EDARADD: variants seen among roughly 807,000 people sequenced by gnomAD.
The protein encoded by EDARADD is ectodysplasin-A receptor-associated adapter protein.
In EDARADD, 20 loss-of-function variants were observed where a neutral mutation model predicts 25.6. The ratio of observed to expected loss-of-function variants is 0.78; its 90% CI spans 0.55 to 1.14. The LOEUF (loss-of-function observed/expected upper bound fraction) is 1.14, where lower values mean the gene tolerates loss of function less well. Among genes scored for constraint, EDARADD ranks in the 50% most tolerant of loss-of-function variants. EDARADD has a pLI of 0.00. For synonymous variants in EDARADD, 86 were observed against 94.4 expected, an observed-to-expected ratio of 0.91 and a Z score of 0.52; for missense variants, 225 against 270.1, an observed-to-expected ratio of 0.83 and a Z score of 1.17.
At chr1:236,353,894 T>G (rs976810830) in intron 3 of EDARADD, among the ~76,000 whole-genome samples, 2 of 152,064 alleles carry the variant, frequency 1.3e-5, no homozygotes, top group Non-Finnish European at 2.9e-5. Context: ...AAAAAAGTTT[T>G]TTTTTGCAAG....
At chr1:236,363,755 T>C (rs968028045) in intron 3 of EDARADD, among the ~76,000 whole-genome samples, 1 of 152,074 alleles carries the variant, frequency 6.6e-6, no homozygotes, top group Non-Finnish European at 1.5e-5. Flanking sequence ...AGCTCCCCTT[T>C]TGCCTTCTGC....
chr1:236,356,805 C>A lies in EDARADD; in HGVS notation c.-6+5966C>A, dbSNP rs188615010. Among the ~76,000 whole-genome samples, 146 of 152,036 alleles carry A rather than the reference C, an allele frequency of 9.6e-4. 1 individual carries two copies. In the East Asian group the frequency reaches 0.017, roughly 18 times the overall value. On this transcript the variant is annotated intron_variant, in intron 3 of 7. Coordinates refer to the EDARADD transcript ENST00000439430. ...GGCTTAAGAATGTTCTTGATGAGGC[C>A]AGGGGTGGTGGCTCACACCTGTAAT...
chr1:236,413,037 T>C (rs1273659368), intron 2 of EDARADD, among the ~76,000 whole-genome samples: 1 of 152,136 alleles, frequency 6.6e-6, no homozygotes, highest in African/African-American at 2.4e-5. Flanking sequence ...CTAATTTTTG[T>C]ATTTTTAGTA....
At chr1:236,436,381 C>CT (rs1658251384) in intron 4 of EDARADD, among the ~76,000 whole-genome samples, 4 of 152,146 alleles carry the variant, frequency 2.6e-5, no homozygotes, top group African/African-American at 9.6e-5. Context: ...AGACTGGTCT[C>CT]TAACTCCTGG....
chr1:236,468,841 A>G (rs1451681069), intron 5 of EDARADD, among the ~76,000 whole-genome samples: 4 of 152,142 alleles, frequency 2.6e-5, no homozygotes, highest in South Asian at 2.1e-4. Flanking sequence ...GTTTAGGATC[A>G]GGCCAGTCGG....
At chr1:236,460,556 C>T (rs767058491) in intron 4 of EDARADD, among the ~76,000 whole-genome samples, 8 of 151,990 alleles carry the variant, frequency 5.3e-5, no homozygotes, top group Non-Finnish European at 8.8e-5. Flanking sequence ...CATTTTTATA[C>T]GGACTTATAT....
intron 5 of EDARADD, among the ~76,000 whole-genome samples, chr1:236,471,763 C>T (rs1378016042): frequency 6.6e-6 from 1 of 152,130 alleles, no homozygotes; most frequent in Non-Finnish European, 1.5e-5. Context: ...GAGGGAAACA[C>T]TCCCGTGGCA....
At chr1:236,413,039 T>C (rs1227872241) in intron 2 of EDARADD, among the ~76,000 whole-genome samples, 5 of 152,102 alleles carry the variant, frequency 3.3e-5, no homozygotes, top group Non-Finnish European at 7.4e-5. Flanking sequence ...AATTTTTGTA[T>C]TTTTAGTAGA....
At chr1:236,447,802 C>T (rs571003086) in intron 4 of EDARADD, among the ~76,000 whole-genome samples, 4 of 151,938 alleles carry the variant, frequency 2.6e-5, no homozygotes, top group East Asian at 1.9e-4. Flanking sequence ...TTCTGGTCCT[C>T]GACTGCACAT....
chr1:236,382,755 C>A (rs566500871), intron 3 of EDARADD, among the ~76,000 whole-genome samples: 12 of 152,274 alleles, frequency 7.9e-5, no homozygotes, highest in Non-Finnish European at 1.2e-4. Context: ...ACCAAATGCT[C>A]ATGAATTATA....
At position 236,468,290 on chromosome 1, in the gene EDARADD, T is replaced by G. The variant is rs1255882946; in HGVS notation, c.265+14T>G. 1 of 1,613,394 alleles carries G rather than the reference T, an allele frequency of 6.2e-7. No homozygotes were observed. The highest frequency in any genetic ancestry group is 8.5e-7 in the Non-Finnish European group (1 of 1,179,322). On this transcript the variant is annotated intron_variant, in intron 5 of 5. Transcript: ENST00000334232. ...ATCCTCTTCCAGGTAAATGATTGATTCTAAAGCTATCTGGGCTAATAGCTA... is the reference window on the plus strand; with the variant it reads ...ATCCTCTTCCAGGTAAATGATTGATGCTAAAGCTATCTGGGCTAATAGCTA...
At chr1:236,435,521 TG>T (rs765581110) in intron 4 of EDARADD, among the ~76,000 whole-genome samples, 1 of 152,174 alleles carries the variant, frequency 6.6e-6, no homozygotes, top group African/African-American at 2.4e-5. Flanking sequence ...GAGGAAGGAA[TG>T]GTCACCACCC....
intron 3 of EDARADD, among the ~76,000 whole-genome samples, chr1:236,364,905 A>G (rs1378970854): frequency 6.6e-6 from 1 of 152,064 alleles, no homozygotes; most frequent in Non-Finnish European, 1.5e-5. Context: ...ACTGGCAAGA[A>G]CCTCTAGTGG....
intron 4 of EDARADD, among the ~76,000 whole-genome samples, chr1:236,454,156 C>T (rs941912454): frequency 6.6e-6 from 1 of 152,208 alleles, no homozygotes; most frequent in African/African-American, 2.4e-5. Context: ...AGCAATTCTC[C>T]TGCCTCAGCC....
intron 4 of EDARADD, among the ~76,000 whole-genome samples, chr1:236,437,531 C>T (rs1470075792): frequency 6.6e-6 from 1 of 151,998 alleles, no homozygotes; most frequent in African/African-American, 2.4e-5. Flanking sequence ...AGGGCTATTG[C>T]AGTCACCTAG....
At chr1:236,386,822 G>GA (rs1491574205) in intron 3 of EDARADD, among the ~76,000 whole-genome samples, 1 of 47,556 alleles carries the variant, frequency 2.1e-5, no homozygotes, top group African/African-American at 8.2e-5. Context: ...GGAGGGAGGT[G>GA]GGGGGGGTCA....
At position 236,427,362 on chromosome 1, in the gene EDARADD, T is replaced by A. The variant is rs942986205; in HGVS notation, c.161-30T>A. On this transcript the variant is annotated intron_variant, in intron 3 of 5. Coordinates refer to ENST00000334232, the MANE Select transcript of EDARADD (RefSeq NM_145861.4). ...GTGCTTTTTAAAATCACACTTTGTT[T>A]CTTTCTTTCTTTCTTTTTTTTTTTC... 2.5e-6 allele frequency: 4 copies of A among 1,599,314 alleles called. No homozygotes were observed. In the Admixed American group the frequency reaches 6.8e-5, roughly 27 times the overall value.
At chr1:236,462,593 A>C (rs1659067538) in intron 4 of EDARADD, among the ~76,000 whole-genome samples, 1 of 152,070 alleles carries the variant, frequency 6.6e-6, no homozygotes, top group Non-Finnish European at 1.5e-5. Context: ...TTGCAGCCTG[A>C]TATTAAATCT....
chr1:236,385,089 CTTTTTTT>C (rs34509027), intron 3 of EDARADD, among the ~76,000 whole-genome samples: 2 of 121,988 alleles, frequency 1.6e-5, no homozygotes, highest in African/African-American at 6.7e-5. Flanking sequence ...CCTTTTGATT[CTTTTTTT>C]TTTTTTTTTT....
Sources: gnomAD v4.1 joint callset for allele counts (sites outside exome capture counted in the v4.1 genomes callset) on GRCh38, gnomAD v4.1.1 for gene constraint, MANE v1.5 for transcripts, NCBI Gene and HGNC (gene_info 2026-07-23, HGNC 2026-07-21) for gene names.